The following ATG2A variants were observed in gnomAD, a reference collection of about 807,000 sequenced individuals.
The protein encoded by ATG2A is autophagy-related protein 2 homolog A.
Under a neutral mutation model 214.2 loss-of-function variants are expected in ATG2A, and 103 were observed. The observed-to-expected ratio is 0.48, with a 90% confidence interval of 0.41 to 0.57. The LOEUF is 0.57. ATG2A is among the 20% of genes least tolerant of loss of function. ATG2A has a pLI of 0.00. For synonymous variants in ATG2A, 1,160 were observed against 1,142.1 expected (o/e 1.02, Z -0.32); for missense variants, 2,312 against 2,613.2 (o/e 0.88, Z 2.51).
At position 64,910,824 on chromosome 11, in the gene ATG2A, C is replaced by A; in HGVS notation, c.1597G>T (p.Glu533Ter). 6.2e-7 allele frequency: 1 copy of A among 1,609,914 alleles called. No individual in the cohort carries two copies. The highest frequency in any genetic ancestry group is 8.5e-7 in the Non-Finnish European group (1 of 1,178,498). ...LECLWPRGTSEPEYTEILTFP... is the reference protein window; with the variant it reads ...LECLWPRGTS ...GCCCTCACCTCCGTGTACTCAGGCT[C>A]AGAGGTGCCCCGGGGCCACAGACAC... The change falls in exon 11 of 41, where the codon GAG becomes TAG. Residue 533 changes from glutamate (E) to a stop codon, truncating the protein, a stop_gained. Coordinates refer to ENST00000377264, the MANE Select transcript of ATG2A (RefSeq NM_015104.3). LOFTEE classifies it high-confidence loss of function.
chr11:64,911,245 G>T lies in ATG2A; in HGVS notation c.1259C>A (p.Thr420Asn). ...GKMAPNPLLD[T>N]MRPDSLLKMT... ...CTTCAGCAGCGAGTCAGGGCGCATG[G>T]TGTCCAGGAGGGGGTTGGGGGCCAT... Residue 420 changes from threonine (T) to asparagine (N), a missense_variant, in exon 10 of 41, where the codon ACC becomes AAC. By Grantham distance (65) the Thr-to-Asn change is moderately conservative (BLOSUM62 0). Transcript: ENST00000377264. 1.9e-6 allele frequency: 3 copies of T among 1,613,986 alleles called. No homozygotes were observed. The African/African-American group carries it at 4.0e-5, about 21-fold the overall frequency.
chr11:64,900,447 T>C (rs1007606076), intron 31 of ATG2A, 47 bp downstream of exon 31: 7 of 1,611,262 alleles, frequency 4.3e-6, no homozygotes, highest in African/African-American at 1.3e-5. Flanking sequence ...ACAAGGCCCG[T>C]TGTTCTATGA....
intron 9 of ATG2A, 99 bp downstream of exon 9, chr11:64,911,743 A>G: frequency 6.7e-7 from 1 of 1,500,084 alleles, no homozygotes; most frequent in Non-Finnish European, 9.0e-7. Context: ...ATATCCAGGC[A>G]TCGCTGGGGA....
chr11:64,906,423 C>T lies in ATG2A; in HGVS notation c.3094G>A (p.Gly1032Arg), dbSNP rs372917880. The change falls in exon 21 of 41, where the codon GGA (glycine) becomes AGA (arginine). Residue 1032 changes from glycine (G) to arginine (R), a missense_variant. Gly to Arg is a moderately radical substitution (Grantham distance 125). Transcript: ENST00000377264. ...YPSEEGVTERGASGRKGQGRG... is the reference protein window; with the variant it reads ...YPSEEGVTERRASGRKGQGRG... The stretch of plus-strand genomic sequence containing the variant: ...CCCTGGCCCTTGCGGCCCGAGGCTC[C>T]CCGCTCGGTCACCCCTTCCTCCGAT... 11 of 1,613,110 alleles carry T rather than the reference C, an allele frequency of 6.8e-6. No homozygotes were observed. The highest frequency in any genetic ancestry group is 1.3e-5 in the African/African-American group (1 of 74,930).
rs1264954290 is a variant in ATG2A, at chr11:64,903,026, C to T, written c.3612+262G>A. On this transcript the variant is annotated intron_variant, in intron 26 of 40. Transcript: ENST00000377264. The surrounding 1 kb of genome is among the most constrained non-coding windows in gnomAD (Gnocchi z 4.2). ...GGGGACCTACAAAGGTGGCTGATTC[C>T]CAGGGCCTCGCTGGTGCCCTGGCTG... Among the ~76,000 whole-genome samples, 1 of 151,912 alleles carries T rather than the reference C, an allele frequency of 6.6e-6. No individual in the cohort carries two copies. Among genetic ancestry groups the T allele is most frequent in the Non-Finnish European group, 1.5e-5 (1 of 67,944 alleles).
At chr11:64,900,156 A>G (rs1483375848) in intron 31 of ATG2A, among the ~76,000 whole-genome samples, 2 of 150,882 alleles carry the variant, frequency 1.3e-5, no homozygotes, top group Non-Finnish European at 2.9e-5. Context: ...ATAAGCCACC[A>G]TGCCTGGCCC....
chr11:64,897,225 T>C (rs905198687), intron 37 of ATG2A, 187 bp downstream of exon 37: 16 of 684,534 alleles, frequency 2.3e-5, no homozygotes, highest in Non-Finnish European at 3.6e-5. Context: ...TTCACCATGT[T>C]GGTCAGGCTG....
At position 64,902,206 on chromosome 11, in the gene ATG2A, G is replaced by A. The variant is rs370504851; in HGVS notation, c.3905-30C>T. 1.4e-4 allele frequency: 223 copies of A among 1,612,526 alleles called. 1 individual carries two copies. The highest frequency in any genetic ancestry group is 1.5e-4 in the African/African-American group (11 of 74,914). Reference sequence around the variant, plus strand: ...AGGAGAGAGGCCAGTTTGGAGAGGCGCCCACAGTGGGTGCCTGACTGTGTC... The same window carrying A: ...AGGAGAGAGGCCAGTTTGGAGAGGCACCCACAGTGGGTGCCTGACTGTGTC... On this transcript the variant is annotated intron_variant, in intron 28 of 40. Coordinates refer to ENST00000377264, the MANE Select transcript of ATG2A (RefSeq NM_015104.3).
chr11:64,912,957 G>A, intron 6 of ATG2A, 81 bp downstream of exon 6: 1 of 1,028,604 alleles, frequency 9.7e-7, no homozygotes, highest in South Asian at 1.7e-5. Flanking sequence ...CCCACTGTGG[G>A]CTGTAGATAA....
At chr11:64,916,731 T>A (rs1945000564) in intron 1 of ATG2A, among the ~76,000 whole-genome samples, 1 of 152,114 alleles carries the variant, frequency 6.6e-6, no homozygotes, top group African/African-American at 2.4e-5. Context: ...TCTTGCCCTC[T>A]CCAGCCTCAG....
Position 64,906,169 on chromosome 11 carries a change from G to A in ATG2A, c.3208C>T (p.His1070Tyr). Residue 1070 changes from histidine (H) to tyrosine (Y), a missense_variant, in exon 22 of 41, where the codon CAC (histidine) becomes TAC (tyrosine). Physicochemically the swap from His to Tyr is moderately conservative, Grantham distance 83. Transcript: ENST00000377264. ...VKEFLVTLRL[H>Y]KATLRHYMAL... ...ATGTAGTGGCGCAAGGTGGCTTTGT[G>A]CAACCGCAGTGTCACCAGGAACTCC... 6.2e-7 allele frequency: 1 copy of A among 1,607,694 alleles called. No homozygotes were observed. Among genetic ancestry groups the A allele is most frequent in the Non-Finnish European group, 8.5e-7 (1 of 1,177,368 alleles).
In ATG2A at chr11:64,913,802, C is replaced by G; in HGVS notation, c.590+19G>C. 1 of 1,610,004 alleles carries G rather than the reference C, an allele frequency of 6.2e-7. No individual in the cohort carries two copies. The highest frequency in any genetic ancestry group is 8.5e-7 in the Non-Finnish European group (1 of 1,178,862). Reference sequence around the variant, plus strand: ...TCCCCATCTTCACACCAGTCCACCCCAGATCGGCCTGCCCTTACCTCTGCA... The same window carrying G: ...TCCCCATCTTCACACCAGTCCACCCGAGATCGGCCTGCCCTTACCTCTGCA... On this transcript the variant is annotated intron_variant, in intron 4 of 40. Transcript: ENST00000377264. This position sits in a 1 kb window ranked among gnomAD's most constrained non-coding sequence, Gnocchi z 4.3.
chr11:64,900,736 T>C, intron 30 of ATG2A, 107 bp from the exon 31 acceptor site: 1 of 1,452,774 alleles, frequency 6.9e-7, no homozygotes, highest in Non-Finnish European at 9.1e-7. Flanking sequence ...GCCCCAGTCC[T>C]GGAAGGCAGG....
intron 1 of ATG2A, among the ~76,000 whole-genome samples, chr11:64,916,760 C>A (rs1945001611): frequency 6.6e-6 from 1 of 152,182 alleles, no homozygotes. Context: ...CCCGTGGAGA[C>A]AGAAACCCCT....
At chr11:64,910,755 G>C (rs759540435) in intron 11 of ATG2A, 47 bp from the exon 12 acceptor site, 2 of 1,610,272 alleles carry the variant, frequency 1.2e-6, no homozygotes, top group Non-Finnish European at 1.7e-6. Flanking sequence ...TGGCCCCACA[G>C]CCACCCAAAC....
chr11:64,911,406 G>C (rs368107379), intron 9 of ATG2A, 131 bp from the exon 10 acceptor site: 6 of 908,632 alleles, frequency 6.6e-6, no homozygotes, highest in South Asian at 3.2e-5. Context: ...CAGAAGGCTT[G>C]GTCAGGCAGG....
rs756761940 is a variant in ATG2A, at chr11:64,909,732, G to A, written c.2056C>T (p.Pro686Ser). ...PQFRSELSSG[P>S]GPPVPTHLEL... The stretch of plus-strand genomic sequence containing the variant: ...AGGTGGGTGGGGACTGGGGGACCAG[G>A]CCCACTGCTAAGCTCTGACCGGAAC... The change falls in exon 14 of 41, where the codon CCT (proline) becomes TCT (serine). Residue 686 changes from proline (P) to serine (S), a missense_variant. Pro to Ser is a moderately conservative substitution (Grantham distance 74). Transcript: ENST00000377264. 1.2e-6 allele frequency: 2 copies of A among 1,613,130 alleles called. No homozygotes were observed. Among genetic ancestry groups the A allele is most frequent in the Middle Eastern group, 1.7e-4 (1 of 6,060 alleles).
Position 64,894,921 on chromosome 11 carries a change from G to A in ATG2A, c.*52C>T, listed in dbSNP as rs1031354178. ...CGGGCCCGTGGGCTGCAGCTCTTGG[G>A]AGGCTCAGGAGCATGGTGGGCAGCA... On this transcript the variant is annotated 3_prime_UTR_variant, in exon 41 of 41. Coordinates refer to ENST00000377264, the MANE Select transcript of ATG2A (RefSeq NM_015104.3). 1.0e-5 allele frequency: 16 copies of A among 1,601,696 alleles called. No homozygotes were observed. Among genetic ancestry groups the A allele is most frequent in the Non-Finnish European group, 1.3e-5 (15 of 1,173,004 alleles).
At position 64,903,337 on chromosome 11, in the gene ATG2A, A is replaced by C. The variant is rs1944425111; in HGVS notation, c.3563T>G (p.Leu1188Arg). The change falls in exon 26 of 41, where the codon CTC becomes CGC. Residue 1188 changes from leucine (L) to arginine (R), a missense_variant. Leu to Arg is a moderately radical substitution (Grantham distance 102). Coordinates refer to ENST00000377264, the MANE Select transcript of ATG2A (RefSeq NM_015104.3). This position sits in a 1 kb window ranked among gnomAD's most constrained non-coding sequence, Gnocchi z 4.2. ...RDYVCVLDVD[L>R]LELVIKTWKG... The stretch of plus-strand genomic sequence containing the variant: ...CCAGGTTTTAATCACAAGTTCCAAG[A>C]GGTCAACATCCAAAACACAGACATA... 2 of 1,614,120 alleles carry C rather than the reference A, an allele frequency of 1.2e-6. No individual in the cohort carries two copies. The highest frequency in any genetic ancestry group is 1.7e-6 in the Non-Finnish European group (2 of 1,180,000).
Sources: gnomAD v4.1 joint callset for allele counts (sites outside exome capture counted in the v4.1 genomes callset) on GRCh38, gnomAD v4.1.1 for gene constraint, Gnocchi (gnomAD v3.1) non-coding constraint, MANE v1.5 for transcripts, NCBI Gene and HGNC (gene_info 2026-07-23, HGNC 2026-07-21) for gene names.